Variants in IL1RAP observed in about 807,000 individuals in gnomAD.
IL1RAP encodes interleukin 1 receptor accessory protein.
A neutral mutation model predicts 60.7 loss-of-function variants in IL1RAP; 35 were observed. The ratio of observed to expected loss-of-function variants is 0.58; its 90% CI spans 0.44 to 0.76. The LOEUF (loss-of-function observed/expected upper bound fraction) is 0.76. Among genes scored for constraint, IL1RAP ranks in the 30% least tolerant of loss-of-function variants. The pLI is 0.00. For missense variants in IL1RAP, 572 were observed against 693.9 expected (o/e 0.82, Z 1.97); for synonymous variants, 268 against 250.9 (o/e 1.07, Z -0.64).
intron 3 of IL1RAP, among the ~76,000 whole-genome samples, chr3:190,570,299 GA>G (rs1180038580): frequency 6.6e-6 from 1 of 152,078 alleles, no homozygotes; most frequent in East Asian, 1.9e-4. Context: ...GAGATAGTGG[GA>G]ATAATGAAAA....
chr3:190,572,738 C>G (rs942569493), intron 3 of IL1RAP, among the ~76,000 whole-genome samples: 2 of 151,788 alleles, frequency 1.3e-5, no homozygotes, highest in Non-Finnish European at 2.9e-5. Context: ...TACTCTTTCC[C>G]TCCTTCCGAG....
intron 3 of IL1RAP, among the ~76,000 whole-genome samples, chr3:190,577,366 C>T (rs1005975523): frequency 5.3e-5 from 8 of 152,030 alleles, no homozygotes; most frequent in Non-Finnish European, 1.0e-4. Flanking sequence ...TTTTAGGAAG[C>T]TTTTGAGTCA....
chr3:190,610,880 C>T (rs10937443), intron 5 of IL1RAP, among the ~76,000 whole-genome samples: 87,947 of 152,028 alleles, frequency 0.58, 28,281 homozygotes, highest in East Asian at 0.82. Context: ...ATAATTTGAA[C>T]CTAATTGCAA....
intron 11 of IL1RAP, 83 bp from the exon 12 acceptor site, chr3:190,648,255 T>C: frequency 6.6e-7 from 1 of 1,509,164 alleles, no homozygotes; most frequent in African/African-American, 1.4e-5. Context: ...GTACCCTAAG[T>C]TCCCTACATT....
intron 5 of IL1RAP, chr3:190,615,319 A>G: frequency 1.6e-6 from 2 of 1,282,418 alleles, no homozygotes; most frequent in Non-Finnish European, 2.0e-6. Flanking sequence ...GTTTATTCAC[A>G]TAGGAACCTC....
chr3:190,658,291 A>T (rs1265646044), exon 12 of IL1RAP: 1 of 152,210 alleles, frequency 6.6e-6, no homozygotes, highest in Non-Finnish European at 1.5e-5. Context: ...TAATTTCATA[A>T]CTAAAGTATT....
rs369918648 is a variant in IL1RAP at position 190,648,748 on chromosome 3, G to C, written c.*43G>C. ...GTAAAAAGAACAAGGGGTGCTCCAG[G>C]AAGAAAGAGTCCCCCCAGTCTTCAT... On this transcript the variant is annotated 3_prime_UTR_variant, in exon 12 of 12. Coordinates refer to ENST00000447382, the MANE Select transcript of IL1RAP (RefSeq NM_002182.4). The C allele has an allele frequency of 1.8e-5, 28 of 1,554,452 alleles. No individual in the cohort carries two copies. The highest frequency in any genetic ancestry group is 2.3e-5 in the Non-Finnish European group (27 of 1,154,184).
intron 9 of IL1RAP, among the ~76,000 whole-genome samples, chr3:190,636,863 A>G (rs1180073828): frequency 2.6e-5 from 4 of 151,856 alleles, no homozygotes; most frequent in Admixed American, 2.6e-4. Flanking sequence ...ACCTGTCTTT[A>G]TTTTTATCTC....
At chr3:190,556,654 G>A (rs1242286635) in intron 2 of IL1RAP, among the ~76,000 whole-genome samples, 1 of 152,124 alleles carries the variant, frequency 6.6e-6, no homozygotes, top group African/African-American at 2.4e-5. Context: ...GAAATATTTT[G>A]ACAATAGAGC....
At chr3:190,538,825 C>G (rs62288175) in intron 1 of IL1RAP, among the ~76,000 whole-genome samples, 26,923 of 151,996 alleles carry the variant, frequency 0.18, 2,930 homozygotes, top group Middle Eastern at 0.31. Context: ...CAAGTGAGTT[C>G]TCACGAGATC....
intron 3 of IL1RAP, among the ~76,000 whole-genome samples, chr3:190,588,190 T>A (rs1368760052): frequency 6.6e-6 from 1 of 152,220 alleles, no homozygotes; most frequent in Non-Finnish European, 1.5e-5. Flanking sequence ...CTCAGCTCAC[T>A]GCAACCTCTG....
chr3:190,526,862 A>T (rs1722554457), intron 1 of IL1RAP, among the ~76,000 whole-genome samples: 2 of 152,228 alleles, frequency 1.3e-5, no homozygotes, highest in African/African-American at 4.8e-5. Flanking sequence ...ATAATCAGTG[A>T]TGTTAATTTT....
chr3:190,590,772 A>C (rs182724521), intron 3 of IL1RAP, among the ~76,000 whole-genome samples: 1 of 152,204 alleles, frequency 6.6e-6, no homozygotes, highest in Non-Finnish European at 1.5e-5. Context: ...TTTGATTCTT[A>C]GCCTGCTTCA....
At chr3:190,545,902 T>C (rs1724327036) in intron 1 of IL1RAP, among the ~76,000 whole-genome samples, 1 of 152,158 alleles carries the variant, frequency 6.6e-6, no homozygotes, top group African/African-American at 2.4e-5. Flanking sequence ...AAAAAAAACT[T>C]TGTGAGTGAC....
chr3:190,635,813 T>C (rs1387686033), intron 9 of IL1RAP, among the ~76,000 whole-genome samples: 1 of 152,216 alleles, frequency 6.6e-6, no homozygotes, highest in East Asian at 1.9e-4. Context: ...TATCTCCAAC[T>C]TAGAACTACC....
At chr3:190,562,390 T>C (rs1725969754) in intron 2 of IL1RAP, among the ~76,000 whole-genome samples, 1 of 152,066 alleles carries the variant, frequency 6.6e-6, no homozygotes, top group Non-Finnish European at 1.5e-5. Context: ...TTGGTGCACA[T>C]TTTAAGTTTC....
At chr3:190,539,567 A>G (rs148813898) in intron 1 of IL1RAP, among the ~76,000 whole-genome samples, 312 of 151,842 alleles carry the variant, frequency 2.1e-3, no homozygotes, top group African/African-American at 6.9e-3. Flanking sequence ...TAGTTATTCT[A>G]CTCGTATTCC....
chr3:190,634,696 G>A lies in IL1RAP; in HGVS notation c.1051+5198G>A, dbSNP rs190441047. Among the ~76,000 whole-genome samples, 50 of 150,690 alleles carry A rather than the reference G, an allele frequency of 3.3e-4. 1 individual carries two copies. In the East Asian group the frequency reaches 9.7e-3, roughly 29 times the overall value. Reference sequence around the variant, plus strand: ...AAAAGAATTACTCATATAACTATCTGGGCCTGTTGTGTTTTTTTTTTTGTT... The same window carrying A: ...AAAAGAATTACTCATATAACTATCTAGGCCTGTTGTGTTTTTTTTTTTGTT... On this transcript the variant is annotated intron_variant, in intron 9 of 11. Coordinates refer to ENST00000447382, the MANE Select transcript of IL1RAP (RefSeq NM_002182.4).
intron 1 of IL1RAP, among the ~76,000 whole-genome samples, chr3:190,539,390 A>G (rs9849030): frequency 0.17 from 25,145 of 152,042 alleles, 2,924 homozygotes; most frequent in East Asian, 0.43. Context: ...AAAGCTTCAT[A>G]ATTTCAAAAA....
Sources: gnomAD v4.1 joint callset for allele counts (sites outside exome capture counted in the v4.1 genomes callset) on GRCh38, gnomAD v4.1.1 for gene constraint, MANE v1.5 for transcripts, NCBI Gene and HGNC (gene_info 2026-07-23, HGNC 2026-07-21) for gene names.